HSD17B4: variants seen among roughly 807,000 people sequenced by gnomAD.
HSD17B4 encodes hydroxysteroid 17-beta dehydrogenase 4, also known as peroxisomal multifunctional enzyme type 2.
HSD17B4 carries 70 observed loss-of-function variants against 101.0 expected under a neutral mutation model. The ratio of observed to expected loss-of-function variants is 0.69; its 90% CI spans 0.57 to 0.85. The LOEUF is 0.85. Ranked by LOEUF, HSD17B4 falls within the 40% of genes least tolerant of loss-of-function variation. HSD17B4 has a pLI of 0.00. For synonymous variants in HSD17B4, 347 were observed against 297.1 expected (o/e 1.17, Z -1.73); for missense variants, 984 against 892.4 (o/e 1.10, Z -1.31).
At position 119,515,027 on chromosome 5, in the gene HSD17B4, A is replaced by G. The variant is rs755720085; in HGVS notation, c.1484A>G (p.Asp495Gly). ...PNRPPDAVLT[D>G]TTSLNQAALY... ...AGACCTCCTGATGCTGTACTTACAG[A>G]TACCACCTCTCTTAATCAGGTAAGA... Residue 495 changes from aspartate (D) to glycine (G), a missense_variant, in exon 17 of 24, where the codon GAT becomes GGT. Coordinates refer to ENST00000510025, the MANE Select transcript of HSD17B4 (RefSeq NM_000414.4). 8.2e-6 allele frequency: 13 copies of G among 1,583,338 alleles called. No individual in the cohort carries two copies. The highest frequency in any genetic ancestry group is 1.0e-5 in the Non-Finnish European group (12 of 1,152,264).
At chr5:119,477,067 A>G (rs1748655588) in intron 6 of HSD17B4, among the ~76,000 whole-genome samples, 2 of 152,078 alleles carry the variant, frequency 1.3e-5, no homozygotes, top group Non-Finnish European at 2.9e-5. Flanking sequence ...GCCTTAACTG[A>G]TGTTAGTGTT....
intron 14 of HSD17B4, among the ~76,000 whole-genome samples, chr5:119,503,367 A>ATT (rs559745422): frequency 1.3e-5 from 2 of 151,142 alleles, no homozygotes; most frequent in African/African-American, 4.9e-5. Context: ...TAACTTTTTC[A>ATT]TTTTTTTTTA....
intron 20 of HSD17B4, among the ~76,000 whole-genome samples, chr5:119,528,946 A>G (rs1451365680): frequency 6.6e-6 from 1 of 152,064 alleles, no homozygotes; most frequent in Non-Finnish European, 1.5e-5. Context: ...TTCTTAAGAT[A>G]TAAGAAACAT....
At chr5:119,535,995 T>C (rs1003702922) in intron 22 of HSD17B4, 1 of 222,008 alleles carries the variant, frequency 4.5e-6, no homozygotes, top group Non-Finnish European at 9.0e-6. Context: ...GAAATTGTTA[T>C]GGACTCTTTC....
At chr5:119,523,792 C>A (rs1446455473) in intron 17 of HSD17B4, among the ~76,000 whole-genome samples, 3 of 152,026 alleles carry the variant, frequency 2.0e-5, no homozygotes, top group African/African-American at 7.2e-5. Flanking sequence ...TAAGCTTTAT[C>A]CCACCTTTTT....
At chr5:119,487,272 A>T (rs1749697602) in intron 8 of HSD17B4, 1 of 136,486 alleles carries the variant, frequency 7.3e-6, no homozygotes, top group African/African-American at 2.7e-5. Context: ...GTTGGAGGAT[A>T]CCTTCTTTAT....
chr5:119,480,193 T>C (rs1440212053), intron 8 of HSD17B4, among the ~76,000 whole-genome samples: 1 of 152,192 alleles, frequency 6.6e-6, no homozygotes, highest in Non-Finnish European at 1.5e-5. Context: ...GATTGTTTGT[T>C]TTCTTGAATT....
chr5:119,522,800 A>T (rs1753235073), intron 17 of HSD17B4, among the ~76,000 whole-genome samples: 1 of 152,094 alleles, frequency 6.6e-6, no homozygotes, highest in Non-Finnish European at 1.5e-5. Flanking sequence ...CCCGAAAGTG[A>T]TACCTTTCTG....
intron 2 of HSD17B4, 65 bp from the exon 3 acceptor site, chr5:119,473,842 AC>A: frequency 2.6e-6 from 2 of 771,014 alleles, no homozygotes; most frequent in Non-Finnish European, 4.2e-6. Flanking sequence ...CATTTTCCAC[AC>A]ACACACACAC....
At chr5:119,497,881 C>T (rs561229640) in intron 12 of HSD17B4, among the ~76,000 whole-genome samples, 2 of 151,662 alleles carry the variant, frequency 1.3e-5, no homozygotes, top group Non-Finnish European at 2.9e-5. Flanking sequence ...TTTTTCTTGA[C>T]CATCAGTAAT....
At chr5:119,457,475 G>A (rs576281557) in intron 2 of HSD17B4, among the ~76,000 whole-genome samples, 4 of 152,284 alleles carry the variant, frequency 2.6e-5, no homozygotes, top group African/African-American at 2.4e-5. Context: ...GAACACTGAC[G>A]CTTTGGATGT....
intron 13 of HSD17B4, among the ~76,000 whole-genome samples, chr5:119,500,833 G>A (rs770258761): frequency 2.4e-4 from 36 of 152,050 alleles, no homozygotes; most frequent in Admixed American, 7.9e-4. Context: ...AAGGAGGAGG[G>A]AACAGTGGTG....
rs144141837 is a variant in HSD17B4 at position 119,493,818 on chromosome 5, T to G, written c.740T>G (p.Leu247Ter). The change falls in exon 11 of 24, where the codon TTA becomes TGA. Residue 247 changes from leucine (L) to a stop codon, truncating the protein, a stop_gained and splice_region_variant. Transcript: ENST00000510025. LOFTEE classifies it high-confidence loss of function. Reference protein sequence around the residue: ...FEVGAGWIGKLRWERTLGAIV... With the variant: ...FEVGAGWIGK The stretch of plus-strand genomic sequence containing the variant: ...ATGTTAGTTTTGTTTCTATAACCAG[T>G]ACGCTGGGAGCGGACTCTTGGAGCT... 2 of 1,612,852 alleles carry G rather than the reference T, an allele frequency of 1.2e-6. No individual in the cohort carries two copies. The highest frequency in any genetic ancestry group is 1.7e-6 in the Non-Finnish European group (2 of 1,179,074).
Position 119,540,331 on chromosome 5 carries a change from C to T in HSD17B4, c.2122-1574C>T, listed in dbSNP as rs1008791876. Among the ~76,000 whole-genome samples the T allele has an allele frequency of 4.9e-4, 73 of 147,550 alleles. 2 individuals are homozygous for T. The highest frequency in any genetic ancestry group is 1.3e-3 in the Admixed American group (19 of 15,088). On this transcript the variant is annotated intron_variant, in intron 23 of 23. Coordinates refer to ENST00000510025, the MANE Select transcript of HSD17B4 (RefSeq NM_000414.4). ...CCCTGAGAGAGTTTGCTGTGATGTC[C>T]GGTGCATGGCAGTGCAGAGTTTGGA...
chr5:119,468,180 T>C (rs10478425), intron 2 of HSD17B4, among the ~76,000 whole-genome samples: 8,617 of 152,196 alleles, frequency 0.057, 697 homozygotes, highest in East Asian at 0.4. Flanking sequence ...CTTTTCTCTT[T>C]CTCATTTGTG....
At chr5:119,486,058 C>A (rs1430059741) in intron 8 of HSD17B4, among the ~76,000 whole-genome samples, 1 of 152,118 alleles carries the variant, frequency 6.6e-6, no homozygotes, top group East Asian at 1.9e-4. Flanking sequence ...AAGAGGCCTC[C>A]GTTCCTTCCT....
intron 23 of HSD17B4, among the ~76,000 whole-genome samples, chr5:119,539,529 C>T (rs906240721): frequency 2.0e-5 from 3 of 151,804 alleles, no homozygotes; most frequent in African/African-American, 7.3e-5. Context: ...CACATGTATA[C>T]ATATGTAACA....
intron 2 of HSD17B4, among the ~76,000 whole-genome samples, chr5:119,467,200 G>A (rs1175616107): frequency 2.6e-5 from 4 of 152,154 alleles, no homozygotes; most frequent in Non-Finnish European, 4.4e-5. Context: ...GGTCTGTTGC[G>A]GAGAATGTTC....
intron 2 of HSD17B4, among the ~76,000 whole-genome samples, chr5:119,469,519 A>C (rs1331695331): frequency 6.6e-6 from 1 of 151,878 alleles, no homozygotes; most frequent in Admixed American, 6.6e-5. Flanking sequence ...ACGCCTGGCT[A>C]ATTTTTGTTA....
Sources: gnomAD v4.1 joint callset for allele counts (sites outside exome capture counted in the v4.1 genomes callset) on GRCh38, gnomAD v4.1.1 for gene constraint, MANE v1.5 for transcripts, NCBI Gene and HGNC (gene_info 2026-07-23, HGNC 2026-07-21) for gene names.